STK3: variants seen among roughly 807,000 people sequenced by gnomAD.
STK3 encodes serine/threonine kinase 3.
A neutral mutation model predicts 58.0 loss-of-function variants in STK3; 41 were observed. The ratio of observed to expected loss-of-function variants is 0.71; its 90% CI spans 0.55 to 0.92. The LOEUF (loss-of-function observed/expected upper bound fraction) is 0.92. Among genes scored for constraint, STK3 ranks in the 40% least tolerant of loss-of-function variants. The pLI is 0.00. For synonymous variants in STK3, 170 were observed against 191.0 expected, an observed-to-expected ratio of 0.89 and a Z score of 0.91; for missense variants, 479 against 602.7, an observed-to-expected ratio of 0.79 and a Z score of 2.15.
chr8:98,452,815 C>A (rs1469133043), downstream of STK3, among the ~76,000 whole-genome samples: 1 of 144,790 alleles, frequency 6.9e-6, no homozygotes, highest in African/African-American at 2.6e-5. Context: ...GGCTGGGGTG[C>A]AGTGGTGTGA....
chr8:98,752,624 C>G (rs1329821144), intron 3 of STK3, among the ~76,000 whole-genome samples: 1 of 151,942 alleles, frequency 6.6e-6, no homozygotes. Flanking sequence ...CAAAGAGCTT[C>G]TGTACAGCAA....
rs1270623199 is a variant in STK3, at chr8:98,645,917, C to T, written c.685-49748G>A. On this transcript the variant is annotated intron_variant, in intron 6 of 10. Coordinates refer to ENST00000419617, the MANE Select transcript of STK3 (RefSeq NM_006281.4). Reference sequence around the variant, plus strand: ...TCCTGAGCTCAAGCAATCCACCCACCTCGAACTCCCAAAGTGTTGGGATTA... The same window carrying T: ...TCCTGAGCTCAAGCAATCCACCCACTTCGAACTCCCAAAGTGTTGGGATTA... Among the ~76,000 whole-genome samples, 26 of 152,142 alleles carry T rather than the reference C, an allele frequency of 1.7e-4. 1 individual carries two copies.
At chr8:98,812,392 G>A (rs559189755) in intron 1 of STK3, among the ~76,000 whole-genome samples, 35 of 152,250 alleles carry the variant, frequency 2.3e-4, no homozygotes, top group Admixed American at 1.8e-3. Flanking sequence ...GAAACAACAG[G>A]TGCTGGAGAG....
chr8:98,355,935 C>T, the STK3 span, among the ~76,000 whole-genome samples: 7 of 152,158 alleles, frequency 4.6e-5, no homozygotes, highest in East Asian at 1.9e-4. Flanking sequence ...TTCCTTCTTC[C>T]GTGATCATTG....
At chr8:98,403,735 A>T (rs966803418) in intron 3 of STK3, among the ~76,000 whole-genome samples, 2 of 152,156 alleles carry the variant, frequency 1.3e-5, no homozygotes, top group African/African-American at 4.8e-5. Flanking sequence ...ACTCTTGCAC[A>T]CTACCCTTGT....
intron 4 of STK3, among the ~76,000 whole-genome samples, chr8:98,710,953 C>T (rs567883779): frequency 3.3e-5 from 5 of 152,282 alleles, no homozygotes; most frequent in African/African-American, 7.2e-5. Context: ...TCCAGAGGAA[C>T]GATCAGGCAG....
At chr8:98,659,096 G>T (rs1238329847) in intron 6 of STK3, among the ~76,000 whole-genome samples, 1 of 151,878 alleles carries the variant, frequency 6.6e-6, no homozygotes, top group Non-Finnish European at 1.5e-5. Context: ...ATATTATCTA[G>T]GTTTGTATAA....
At chr8:98,778,073 A>G (rs1831824362) in intron 1 of STK3, among the ~76,000 whole-genome samples, 1 of 152,174 alleles carries the variant, frequency 6.6e-6, no homozygotes, top group Admixed American at 6.5e-5. Context: ...AAAAGAAACT[A>G]CCATCAGAGT....
intron 6 of STK3, among the ~76,000 whole-genome samples, chr8:98,682,414 G>C (rs1358018044): frequency 1.3e-5 from 2 of 152,130 alleles, no homozygotes; most frequent in Admixed American, 6.5e-5. Context: ...CAGAATGTAA[G>C]AGATTCACGA....
At chr8:98,749,418 TTTAG>T in intron 3 of STK3, 28 bp from the exon 4 acceptor site, 1 of 1,330,326 alleles carries the variant, frequency 7.5e-7, no homozygotes, top group Non-Finnish European at 1.0e-6. Context: ...AACAATTAAA[TTTAG>T]TTAATTCCCA....
At chr8:98,666,246 A>G (rs1052384647) in intron 6 of STK3, among the ~76,000 whole-genome samples, 14 of 152,238 alleles carry the variant, frequency 9.2e-5, no homozygotes, top group African/African-American at 3.4e-4. Context: ...CATTTTCTAT[A>G]TTAGCCTAGT....
At chr8:98,902,221 C>G (rs1415107002) in intron 1 of STK3, among the ~76,000 whole-genome samples, 1 of 152,096 alleles carries the variant, frequency 6.6e-6, no homozygotes, top group African/African-American at 2.4e-5. Flanking sequence ...CTTTCCATCT[C>G]CCTAGATGAC....
At chr8:98,629,042 A>G (rs945223350) in intron 6 of STK3, among the ~76,000 whole-genome samples, 1 of 152,150 alleles carries the variant, frequency 6.6e-6, no homozygotes, top group Admixed American at 6.5e-5. Flanking sequence ...ATAGTTTTTT[A>G]GGGTAACTTG....
intron 8 of STK3, among the ~76,000 whole-genome samples, chr8:98,560,210 AAG>A (rs1288525784): frequency 3.3e-5 from 5 of 152,146 alleles, no homozygotes; most frequent in African/African-American, 1.2e-4. Context: ...TTAAAGTTAA[AAG>A]AAAACTGAGG....
intron 3 of STK3, among the ~76,000 whole-genome samples, chr8:98,858,319 TATATAGAGAGAGAG>T (rs1282884075): frequency 7.5e-5 from 3 of 39,946 alleles, no homozygotes; most frequent in African/African-American, 1.9e-4. Flanking sequence ...TATATATATA[TATATAGAGAGAGAG>T]AGAGAGAGAG....
chr8:98,423,910 C>T (rs1289714437), intron 3 of STK3, among the ~76,000 whole-genome samples: 1 of 152,210 alleles, frequency 6.6e-6, no homozygotes, highest in Non-Finnish European at 1.5e-5. Context: ...ATCCCCCTTC[C>T]CAGGGTGCCT....
intron 7 of STK3, among the ~76,000 whole-genome samples, chr8:98,589,292 CTGTT>C (rs1337532433): frequency 1.3e-5 from 2 of 152,180 alleles, no homozygotes; most frequent in East Asian, 1.9e-4. Flanking sequence ...GATGTCCTTT[CTGTT>C]TGTTAGTTTT....
intron 1 of STK3, among the ~76,000 whole-genome samples, chr8:98,897,381 C>A (rs1176639998): frequency 7.2e-5 from 11 of 152,056 alleles, no homozygotes. Context: ...CACGGTGAAA[C>A]CCTGTCTCTA....
intron 3 of STK3, chr8:98,431,413 G>A (rs1401013496): frequency 6.0e-6 from 1 of 167,126 alleles, no homozygotes; most frequent in Admixed American, 6.5e-5. Flanking sequence ...AATCAGAGGA[G>A]CAGAGTTATT....
Sources: gnomAD v4.1 joint callset for allele counts (sites outside exome capture counted in the v4.1 genomes callset) on GRCh38, gnomAD v4.1.1 for gene constraint, MANE v1.5 for transcripts, NCBI Gene and HGNC (gene_info 2026-07-23, HGNC 2026-07-21) for gene names.